GNB1: variants seen among roughly 807,000 people sequenced by gnomAD.
GNB1 encodes guanine nucleotide-binding protein G(I)/G(S)/G(T) subunit beta-1.
Under a neutral mutation model 42.9 loss-of-function variants are expected in GNB1, and 2 were observed. That is an observed-to-expected ratio of 0.05 (90% confidence interval 0.02 to 0.15). The LOEUF is 0.15. Ranked by LOEUF, GNB1 falls within the 10% of genes least tolerant of loss-of-function variation. GNB1 has a pLI of 1.00. For missense variants in GNB1, 193 were observed against 462.2 expected (o/e 0.42, Z 5.34); for synonymous variants, 183 against 174.7 (o/e 1.05, Z -0.38).
intron 1 of GNB1, among the ~76,000 whole-genome samples, chr1:1,875,249 T>C (rs1180257212): frequency 6.6e-6 from 1 of 151,912 alleles, no homozygotes; most frequent in Non-Finnish European, 1.5e-5. Flanking sequence ...TGGAGTGTAG[T>C]GGTGTGATCT....
chr1:1,846,342 G>T (rs747041802), intron 1 of GNB1, among the ~76,000 whole-genome samples: 1 of 152,066 alleles, frequency 6.6e-6, no homozygotes, highest in Non-Finnish European at 1.5e-5. Flanking sequence ...CAAGGCAGGC[G>T]GATCACCTAA....
intron 1 of GNB1, among the ~76,000 whole-genome samples, chr1:1,845,723 T>C (rs1647612173): frequency 1.3e-5 from 2 of 152,162 alleles, no homozygotes; most frequent in East Asian, 1.9e-4. Context: ...ACGGACTATC[T>C]GAAAGCAAGG....
At chr1:1,885,369 C>T (rs1163465462) in intron 1 of GNB1, among the ~76,000 whole-genome samples, 1 of 150,072 alleles carries the variant, frequency 6.7e-6, no homozygotes, top group East Asian at 2.0e-4. Flanking sequence ...GCCAGGACAG[C>T]GCCATTGCAC....
intron 10 of GNB1, 113 bp downstream of exon 10, chr1:1,788,940 T>C (rs1159060088): frequency 2.6e-6 from 2 of 761,186 alleles, no homozygotes; most frequent in Non-Finnish European, 4.4e-6. Flanking sequence ...TGCTACGCCA[T>C]GCCACAGTCC....
chr1:1,884,195 G>A (rs1209842582), intron 1 of GNB1, among the ~76,000 whole-genome samples: 3 of 150,488 alleles, frequency 2.0e-5, no homozygotes, highest in Non-Finnish European at 4.4e-5. Flanking sequence ...GCAATGGCAC[G>A]ATCTCGGCTC....
At chr1:1,792,942 T>C (rs1160984538) in intron 8 of GNB1, among the ~76,000 whole-genome samples, 1 of 151,956 alleles carries the variant, frequency 6.6e-6, no homozygotes, top group South Asian at 2.1e-4. Flanking sequence ...GGCGGGCACC[T>C]GTAATCCCAG....
At chr1:1,828,006 G>C (rs1381863001) in intron 2 of GNB1, among the ~76,000 whole-genome samples, 1 of 152,052 alleles carries the variant, frequency 6.6e-6, no homozygotes, top group Admixed American at 6.6e-5. Context: ...AAAGAGAAAC[G>C]CATGTTCTGA....
intron 5 of GNB1, among the ~76,000 whole-genome samples, chr1:1,815,420 CT>C (rs1191813219): frequency 6.6e-6 from 1 of 152,188 alleles, no homozygotes; most frequent in Non-Finnish European, 1.5e-5. Context: ...AGAGAGGTAA[CT>C]TCCCCAAGTT....
At chr1:1,889,879 C>A (rs1252601651) in intron 1 of GNB1, among the ~76,000 whole-genome samples, 1 of 151,834 alleles carries the variant, frequency 6.6e-6, no homozygotes, top group Non-Finnish European at 1.5e-5. Flanking sequence ...CCACTCCCCA[C>A]CCCCACCCCG....
At chr1:1,875,847 C>T (rs12758203) in intron 1 of GNB1, among the ~76,000 whole-genome samples, 6 of 137,296 alleles carry the variant, frequency 4.4e-5, no homozygotes, top group African/African-American at 1.6e-4. Flanking sequence ...TCCCCCCCCC[C>T]AAAATTCATG....
At chr1:1,883,430 GGAAC>G (rs1649966958) in intron 1 of GNB1, among the ~76,000 whole-genome samples, 1 of 152,148 alleles carries the variant, frequency 6.6e-6, no homozygotes, top group East Asian at 1.9e-4. Flanking sequence ...ATATTCTTCT[GGAAC>G]CATGGAGAAA....
At chr1:1,872,948 G>A (rs1256852385) in intron 1 of GNB1, among the ~76,000 whole-genome samples, 1 of 152,138 alleles carries the variant, frequency 6.6e-6, no homozygotes, top group Non-Finnish European at 1.5e-5. Flanking sequence ...AGTTCTTGAG[G>A]TCACACAGTA....
intron 5 of GNB1, among the ~76,000 whole-genome samples, chr1:1,814,198 G>T (rs1403528829): frequency 6.6e-6 from 1 of 152,088 alleles, no homozygotes; most frequent in Non-Finnish European, 1.5e-5. Flanking sequence ...ACTAAAGATA[G>T]AATCTTTTGT....
intron 1 of GNB1, among the ~76,000 whole-genome samples, chr1:1,863,243 T>C (rs1428471609): frequency 1.3e-5 from 2 of 152,130 alleles, no homozygotes; most frequent in Non-Finnish European, 2.9e-5. Context: ...GAGGTGGTGC[T>C]GGCTAGAAAT....
chr1:1,835,496 T>C (rs1557914275), intron 2 of GNB1, among the ~76,000 whole-genome samples: 1 of 152,172 alleles, frequency 6.6e-6, no homozygotes, highest in African/African-American at 2.4e-5. Context: ...TGTAAAACTG[T>C]TGCCCTGAAA....
chr1:1,873,526 G>T (rs1313259418), intron 1 of GNB1, among the ~76,000 whole-genome samples: 5 of 152,218 alleles, frequency 3.3e-5, no homozygotes, highest in African/African-American at 9.7e-5. Context: ...GATGAACAAG[G>T]ACTTACTGTT....
At chr1:1,881,954 A>G (rs1371322509) in intron 1 of GNB1, among the ~76,000 whole-genome samples, 2 of 152,146 alleles carry the variant, frequency 1.3e-5, no homozygotes, top group African/African-American at 2.4e-5. Context: ...CCTGCCTGCC[A>G]GACAGACTCC....
At chr1:1,879,676 G>A (rs1649735149) in intron 1 of GNB1, among the ~76,000 whole-genome samples, 1 of 149,280 alleles carries the variant, frequency 6.7e-6, no homozygotes, top group Non-Finnish European at 1.5e-5. Context: ...CTGCACTCCA[G>A]CCTGGGTGAC....
rs192927592 is a variant in GNB1 at position 1,829,760 on chromosome 1, T to C, written c.-46-4261A>G. Among the ~76,000 whole-genome samples, 95 of 152,032 alleles carry C rather than the reference T, an allele frequency of 6.2e-4. 1 individual carries two copies. Among genetic ancestry groups the C allele is most frequent in the Admixed American group, 1.1e-3 (17 of 15,270 alleles). On this transcript the variant is annotated intron_variant, in intron 2 of 11. Coordinates refer to ENST00000378609, the MANE Select transcript of GNB1 (RefSeq NM_002074.5). The stretch of plus-strand genomic sequence containing the variant: ...CATCTTTTTTCTTTTTTTTTTGAGA[T>C]GGAGTTTTGCTCTTGTTGCTGAGAC...
Sources: gnomAD v4.1 joint callset for allele counts (sites outside exome capture counted in the v4.1 genomes callset) on GRCh38, gnomAD v4.1.1 for gene constraint, MANE v1.5 for transcripts, NCBI Gene and HGNC (gene_info 2026-07-23, HGNC 2026-07-21) for gene names.